Variants in NLGN4X observed in about 807,000 individuals in gnomAD.
NLGN4X encodes neuroligin-4, X-linked.
NLGN4X carries 3 observed loss-of-function variants against 40.3 expected under a neutral mutation model. The ratio of observed to expected loss-of-function variants is 0.07; its 90% CI spans 0.03 to 0.19. NLGN4X has a LOEUF of 0.19. Among genes scored for constraint, NLGN4X ranks in the 10% least tolerant of loss-of-function variants. The probability of loss-of-function intolerance (pLI) is 1.00; values close to 1 mark genes in which losing one functional copy is unlikely to be tolerated. For synonymous variants in NLGN4X, 270 were observed against 306.8 expected, an observed-to-expected ratio of 0.88 and a Z score of 1.25; for missense variants, 382 against 708.3, an observed-to-expected ratio of 0.54 and a Z score of 5.23.
chrX:6,063,598 T>C (rs2037827908), intron 2 of NLGN4X, among the ~76,000 whole-genome samples: 1 of 112,232 alleles, frequency 8.9e-6, no homozygotes, highest in African/African-American at 3.2e-5. Context: ...CCCTGAAGCT[T>C]AGAACAATAC....
At chrX:6,171,262 C>CTT (rs1350878528) in intron 1 of NLGN4X, among the ~76,000 whole-genome samples, 1 of 112,354 alleles carries the variant, frequency 8.9e-6, no homozygotes, top group Non-Finnish European at 1.9e-5. Flanking sequence ...TCATTTCATG[C>CTT]TTTTCTGTGT....
chrX:6,051,430 T>C (rs748468551), intron 2 of NLGN4X, among the ~76,000 whole-genome samples: 1 of 110,876 alleles, frequency 9.0e-6, no homozygotes, highest in East Asian at 2.8e-4. Context: ...TTTGCAGTGG[T>C]CCCTAGACCC....
intron 5 of NLGN4X, among the ~76,000 whole-genome samples, chrX:5,901,258 A>G (rs2031846436): frequency 1.8e-5 from 2 of 112,202 alleles, no homozygotes; most frequent in African/African-American, 6.5e-5. Flanking sequence ...GCATCCCCAG[A>G]TCTTCTAAGG....
At chrX:6,005,558 G>A (rs955421987) in intron 3 of NLGN4X, among the ~76,000 whole-genome samples, 1 of 111,130 alleles carries the variant, frequency 9.0e-6, no homozygotes, top group Non-Finnish European at 1.9e-5. Flanking sequence ...GCACTTTGAT[G>A]TGCTGAACTG....
rs775813710 is a variant in NLGN4X, at chrX:6,151,510, G to T, written c.-44C>A. 3 of 1,111,625 alleles carry T rather than the reference G, an allele frequency of 2.7e-6. No individual in the cohort carries two copies. The highest frequency in any genetic ancestry group is 3.0e-5 in the East Asian group (1 of 33,212). 91.6% of individuals were successfully genotyped at this position (1,111,625 alleles called of 1,213,427 possible). On this transcript the variant is annotated 5_prime_UTR_variant, in exon 2 of 6. Transcript: ENST00000381095. ...CATCCACAGCTGTCCCAGTGATGTG[G>T]CTCCAAGGAGACAAAGCCCAGAGGC...
intron 3 of NLGN4X, among the ~76,000 whole-genome samples, chrX:6,007,010 C>T (rs992053891): frequency 4.5e-5 from 5 of 111,822 alleles, no homozygotes; most frequent in African/African-American, 1.6e-4. Context: ...ATGTTTATCA[C>T]TACACTATTC....
intron 1 of NLGN4X, among the ~76,000 whole-genome samples, chrX:6,177,950 CAT>C (rs2147792812): frequency 9.0e-6 from 1 of 111,287 alleles, no homozygotes; most frequent in East Asian, 2.9e-4. Context: ...CCTTCTACCA[CAT>C]GAGGATACAG....
At chrX:5,988,162 T>TAGC (rs752003426) in intron 3 of NLGN4X, among the ~76,000 whole-genome samples, 2 of 112,164 alleles carry the variant, frequency 1.8e-5, no homozygotes, top group Non-Finnish European at 3.8e-5. Context: ...TTCCGTACAG[T>TAGC]AGCAGCAGCT....
chrX:6,128,934 C>A (rs1425596002), intron 2 of NLGN4X, among the ~76,000 whole-genome samples: 1 of 111,853 alleles, frequency 8.9e-6, no homozygotes, highest in East Asian at 2.8e-4. Context: ...CCTTGAAGTG[C>A]AATGCATTCC....
chrX:5,899,220 G>A (rs377226127), intron 5 of NLGN4X, among the ~76,000 whole-genome samples: 1 of 112,383 alleles, frequency 8.9e-6, no homozygotes, highest in East Asian at 2.8e-4. Context: ...TACACTCAGT[G>A]TTATTTCAGG....
intron 3 of NLGN4X, among the ~76,000 whole-genome samples, chrX:5,970,302 C>T (rs1313085073): frequency 4.5e-5 from 5 of 111,037 alleles, no homozygotes; most frequent in Non-Finnish European, 9.4e-5. Flanking sequence ...CAAACCTGCA[C>T]GTTGTGCACA....
chrX:6,108,118 G>A (rs2039070417), intron 2 of NLGN4X, among the ~76,000 whole-genome samples: 1 of 111,762 alleles, frequency 8.9e-6, no homozygotes, highest in Non-Finnish European at 1.9e-5. Flanking sequence ...TCTGGGCTAG[G>A]AAAATACACA....
chrX:5,914,410 C>T (rs916316694), intron 3 of NLGN4X, among the ~76,000 whole-genome samples: 2 of 111,049 alleles, frequency 1.8e-5, no homozygotes, highest in Admixed American at 9.6e-5. Context: ...GTTTTTCTTT[C>T]AATTAACAAA....
At chrX:5,938,964 TGC>T (rs1491065472) in intron 3 of NLGN4X, among the ~76,000 whole-genome samples, 35 of 101,988 alleles carry the variant, frequency 3.4e-4, no homozygotes, top group Non-Finnish European at 6.2e-4. Context: ...TTTGTGTGTG[TGC>T]GTGTGTGTGT....
chrX:6,218,833 T>C (rs1158033483), intron 1 of NLGN4X, among the ~76,000 whole-genome samples: 1 of 111,469 alleles, frequency 9.0e-6, no homozygotes, highest in Non-Finnish European at 1.9e-5. Flanking sequence ...GAACCCTAAG[T>C]TATCCGTCAC....
intron 1 of NLGN4X, among the ~76,000 whole-genome samples, chrX:6,216,007 G>C (rs963833741): frequency 9.1e-6 from 1 of 110,015 alleles, no homozygotes; most frequent in African/African-American, 3.3e-5. Flanking sequence ...CTCCTGAGTA[G>C]CTGGGACTAC....
At chrX:6,001,683 ATT>A (rs5901308) in intron 3 of NLGN4X, among the ~76,000 whole-genome samples, 25,338 of 101,740 alleles carry the variant, frequency 0.25, 2,818 homozygotes, top group African/African-American at 0.41. Context: ...ATTCAGAGTC[ATT>A]TTTTTTTTTT....
chrX:6,204,695 A>G (rs1369951735), intron 1 of NLGN4X, among the ~76,000 whole-genome samples: 2 of 111,592 alleles, frequency 1.8e-5, no homozygotes, highest in Non-Finnish European at 3.8e-5. Context: ...TATGGGTCCC[A>G]TCTCAGATCT....
intron 1 of NLGN4X, among the ~76,000 whole-genome samples, chrX:6,188,228 T>G (rs113437398): frequency 0.029 from 3,288 of 112,384 alleles, 125 homozygotes; most frequent in African/African-American, 0.099. Context: ...AATTTTAAAA[T>G]CTAAATATTA....
Sources: allele counts gnomAD v4.1 joint callset (sites outside exome capture counted in the v4.1 genomes callset), GRCh38; gene constraint gnomAD v4.1.1; transcripts MANE v1.5; gene names NCBI Gene and HGNC (gene_info 2026-07-23, HGNC 2026-07-21).